Variants in FRMPD4 observed in about 807,000 individuals in gnomAD.
The protein encoded by FRMPD4 is FERM and PDZ domain-containing protein 4.
A neutral mutation model predicts 94.1 loss-of-function variants in FRMPD4; 22 were observed. The ratio of observed to expected loss-of-function variants is 0.23; its 90% CI spans 0.17 to 0.33. The LOEUF (loss-of-function observed/expected upper bound fraction) is 0.33. FRMPD4 is among the 10% of genes least tolerant of loss of function. The probability of loss-of-function intolerance (pLI) is 1.00; values close to 1 mark genes in which losing one functional copy is unlikely to be tolerated. For synonymous variants in FRMPD4, 631 were observed against 548.6 expected (o/e 1.15, Z -2.10); for missense variants, 1,111 against 1,339.9 (o/e 0.83, Z 2.67).
In FRMPD4 at chrX:11,836,833, G is replaced by T. The variant is rs2053503659; in HGVS notation, c.-161+14118G>T. Among the ~76,000 whole-genome samples, 5 of 111,386 alleles carry T rather than the reference G, an allele frequency of 4.5e-5. No individual in the cohort carries two copies. In the South Asian group the frequency reaches 1.9e-3, roughly 42 times the overall value. ...TTATTGCTATACCCTGCCTTTCAAA[G>T]GAAATGCACATGAGGAAATTTAAAA... On this transcript the variant is annotated intron_variant, in intron 1 of 18. Coordinates refer to the FRMPD4 transcript ENST00000640291.
intron 3 of FRMPD4, among the ~76,000 whole-genome samples, chrX:12,079,800 G>A (rs746230331): frequency 8.9e-5 from 10 of 111,923 alleles, no homozygotes; most frequent in African/African-American, 9.7e-5. Flanking sequence ...TCTGCTATTG[G>A]CAGCGTTAAC....
chrX:12,678,945 G>T (rs1011826282), intron 5 of FRMPD4, among the ~76,000 whole-genome samples: 7 of 112,611 alleles, frequency 6.2e-5, no homozygotes, highest in Non-Finnish European at 1.1e-4. Flanking sequence ...CATTCCTTTA[G>T]GTTTCTTCTA....
intron 3 of FRMPD4, among the ~76,000 whole-genome samples, chrX:11,901,838 C>T (rs771422131): frequency 9.0e-6 from 1 of 110,575 alleles, no homozygotes; most frequent in East Asian, 2.8e-4. Context: ...ATTTGCATTT[C>T]CCTGATGATT....
intron 3 of FRMPD4, among the ~76,000 whole-genome samples, chrX:12,066,136 C>T (rs1258145471): frequency 8.9e-6 from 1 of 112,097 alleles, no homozygotes; most frequent in Admixed American, 9.5e-5. Flanking sequence ...GTTTCCTTCT[C>T]CTGCTATTTT....
At chrX:12,702,853 C>CCA (rs2041812806) in intron 10 of FRMPD4, among the ~76,000 whole-genome samples, 1 of 112,220 alleles carries the variant, frequency 8.9e-6, no homozygotes, top group African/African-American at 3.2e-5. Context: ...CTCTCTCTCC[C>CCA]CACACATAAG....
intron 1 of FRMPD4, among the ~76,000 whole-genome samples, chrX:12,433,709 T>C (rs1230580224): frequency 8.9e-6 from 1 of 112,022 alleles, no homozygotes; most frequent in Non-Finnish European, 1.9e-5. Context: ...ATTTGAGAAA[T>C]TCAGCAGCAA....
chrX:12,337,596 G>A (rs1172299826), intron 1 of FRMPD4, among the ~76,000 whole-genome samples: 2 of 111,948 alleles, frequency 1.8e-5, no homozygotes, highest in Non-Finnish European at 3.8e-5. Flanking sequence ...ATATGCCTTT[G>A]AGCTTAATGA....
At chrX:12,246,723 A>C (rs1383715384) in intron 1 of FRMPD4, among the ~76,000 whole-genome samples, 1 of 110,699 alleles carries the variant, frequency 9.0e-6, no homozygotes, top group East Asian at 2.8e-4. Context: ...TACATATTGC[A>C]TGAGATTCCT....
chrX:12,112,941 G>T (rs12858604), intron 3 of FRMPD4, among the ~76,000 whole-genome samples: 11,546 of 111,011 alleles, frequency 0.1, 512 homozygotes, highest in South Asian at 0.29. Context: ...TAGCTAAATG[G>T]TTGGTTCAAG....
intron 3 of FRMPD4, among the ~76,000 whole-genome samples, chrX:12,104,925 C>A (rs2055284713): frequency 8.9e-6 from 1 of 111,779 alleles, no homozygotes; most frequent in Non-Finnish European, 1.9e-5. Flanking sequence ...ATAGCTTTGT[C>A]AAGTGCTAAT....
intron 1 of FRMPD4, among the ~76,000 whole-genome samples, chrX:12,287,101 G>A (rs1403562014): frequency 8.9e-6 from 1 of 112,391 alleles, no homozygotes; most frequent in African/African-American, 3.2e-5. Flanking sequence ...GATATGTTCT[G>A]TGCACTATCT....
chrX:12,112,018 A>G (rs777040336), intron 3 of FRMPD4, among the ~76,000 whole-genome samples: 1 of 111,789 alleles, frequency 8.9e-6, no homozygotes, highest in East Asian at 2.8e-4. Flanking sequence ...GCGATTCCTC[A>G]AGGATCTAGA....
intron 3 of FRMPD4, among the ~76,000 whole-genome samples, chrX:12,032,903 A>G (rs2054700232): frequency 8.9e-6 from 1 of 112,492 alleles, no homozygotes; most frequent in Admixed American, 9.4e-5. Context: ...GACAGATGAT[A>G]AATGTGAGGC....
At chrX:12,022,085 A>G (rs66555682) in intron 3 of FRMPD4, among the ~76,000 whole-genome samples, 6,504 of 112,257 alleles carry the variant, frequency 0.058, 497 homozygotes, top group African/African-American at 0.2. Context: ...ATAGATCATG[A>G]GTTCTCAGCC....
Position 12,561,388 on chromosome X carries a change from A to G in FRMPD4, c.159-48333A>G, listed in dbSNP as rs147025498. 8.9e-3 allele frequency among the ~76,000 whole-genome samples: 996 copies of G among 112,298 alleles called. 11 individuals carry two copies. The highest frequency in any genetic ancestry group is 0.03 in the African/African-American group (939 of 30,931). ...ACTTCAAAATCTTATATTTCACCTT[A>G]AGGAATTGTCTGCCTCTATCAAGTG... is the stretch of plus-strand genomic sequence containing the variant. On this transcript the variant is annotated intron_variant, in intron 2 of 16. Coordinates refer to ENST00000675598, the MANE Select transcript of FRMPD4 (RefSeq NM_001368397.1).
At chrX:11,922,304 C>T (rs1356280027) in intron 3 of FRMPD4, among the ~76,000 whole-genome samples, 1 of 111,225 alleles carries the variant, frequency 9.0e-6, no homozygotes, top group Non-Finnish European at 1.9e-5. Context: ...AGAGCAGGAG[C>T]AAGAGAGCGG....
intron 2 of FRMPD4, among the ~76,000 whole-genome samples, chrX:12,600,170 G>A (rs939984866): frequency 1.8e-5 from 2 of 109,594 alleles, no homozygotes; most frequent in African/African-American, 6.6e-5. Flanking sequence ...ATATGAAGAG[G>A]CAAACGGACA....
At chrX:12,175,065 C>G (rs2056277652) in intron 1 of FRMPD4, among the ~76,000 whole-genome samples, 1 of 112,016 alleles carries the variant, frequency 8.9e-6, no homozygotes, top group South Asian at 3.7e-4. Flanking sequence ...CTGCTTTGAA[C>G]TTTCATTTCT....
chrX:12,680,133 T>G (rs748742194), intron 5 of FRMPD4, among the ~76,000 whole-genome samples: 1 of 112,484 alleles, frequency 8.9e-6, no homozygotes, highest in Admixed American at 9.4e-5. Context: ...TCTAGTAACT[T>G]CTAAGAGCAT....
Sources: gnomAD v4.1 joint callset for allele counts (sites outside exome capture counted in the v4.1 genomes callset) on GRCh38, gnomAD v4.1.1 for gene constraint, MANE v1.5 for transcripts, NCBI Gene and HGNC (gene_info 2026-07-23, HGNC 2026-07-21) for gene names.